The following HRAS variants were observed in gnomAD, a reference collection of about 807,000 sequenced individuals.
HRAS encodes the protein GTPase HRas.
A neutral mutation model predicts 19.8 loss-of-function variants in HRAS; 11 were observed. The observed-to-expected ratio is 0.55, with a 90% CI of 0.35 to 0.92. HRAS has a LOEUF of 0.92. Ranked by LOEUF, HRAS falls within the 40% of genes least tolerant of loss-of-function variation. HRAS has a pLI of 0.01. For missense variants in HRAS, 204 were observed against 255.9 expected (o/e 0.80, Z 1.38); for synonymous variants, 149 against 105.5 (o/e 1.41, Z -2.52).
Position 532,715 on chromosome 11 carries a change from C to T in HRAS, c.491G>A (p.Arg164Gln), listed in dbSNP as rs753977266. 14 of 1,613,060 alleles carry T rather than the reference C, an allele frequency of 8.7e-6. No individual in the cohort carries two copies. Among genetic ancestry groups the T allele is most frequent in the South Asian group, 1.1e-5 (1 of 91,090 alleles). ...GTTCAGCTTCCGCAGCTTGTGCTGC[C>T]GGATCTCACGCACCAACGTGTAGAA... The part of the protein sequence containing the change: ...DAFYTLVREI[R>Q]QHKLRKLNPP... Residue 164 changes from arginine (R) to glutamine (Q), a missense_variant, in exon 5 of 6, where the codon CGG becomes CAG. By Grantham distance (43) the Arg-to-Gln change is conservative. Coordinates refer to ENST00000311189, the MANE Select transcript of HRAS (RefSeq NM_005343.4).
At chr11:533,968 AC>A in intron 2 of HRAS, 24 bp from the exon 3 acceptor site, 1 of 1,605,416 alleles carries the variant, frequency 6.2e-7, no homozygotes, top group Non-Finnish European at 8.5e-7. Flanking sequence ...GGGCTCAGGG[AC>A]CCCCTCAGGA....
chr11:533,389 G>GCTCC (rs1851229062), intron 4 of HRAS, 64 bp downstream of exon 4: 1 of 1,606,292 alleles, frequency 6.2e-7, no homozygotes, highest in African/African-American at 1.3e-5. Flanking sequence ...AGTGAGTGCT[G>GCTCC]CTCCCTGGCT....
chr11:535,289 C>CCCGCCGCCGCCGCCG (rs113931482), intron 1 of HRAS, 127 bp downstream of exon 1: 7 of 141,190 alleles, frequency 5.0e-5, no homozygotes, highest in Non-Finnish European at 1.1e-4. Flanking sequence ...GCCCCACCCA[C>CCCGCCGCCGCCGCCG]CCGCCGCCGC....
chr11:534,534 C>T (rs1190031670), intron 1 of HRAS, 159 bp from the exon 2 acceptor site: 15 of 598,016 alleles, frequency 2.5e-5, no homozygotes, highest in Non-Finnish European at 3.6e-5. Flanking sequence ...AGCTGCAACC[C>T]AGCGTGCGGG....
intron 2 of HRAS, 22 bp from the exon 3 acceptor site, chr11:533,966 G>C (rs753221782): frequency 1.2e-6 from 2 of 1,607,066 alleles, no homozygotes; most frequent in East Asian, 2.2e-5. Context: ...CAGGGCTCAG[G>C]GACCCCCTCA....
chr11:533,168 C>A, intron 4 of HRAS: 1 of 1,048,822 alleles, frequency 9.5e-7, no homozygotes, highest in Non-Finnish European at 1.4e-6. Flanking sequence ...GGCAGCTCTC[C>A]CCAAGGACCT....
chr11:534,825 G>C (rs944788608), intron 1 of HRAS, among the ~76,000 whole-genome samples: 1 of 152,200 alleles, frequency 6.6e-6, no homozygotes, highest in Non-Finnish European at 1.5e-5. Flanking sequence ...TTTGCTGAGC[G>C]CCTACTGCGT....
rs376688893 is a variant in HRAS, at chr11:533,512, G to A, written c.391C>T (p.Gln131Ter). ...AARTVESRQA[Q>*]DLARSYGIPY... The stretch of plus-strand genomic sequence containing the variant: ...ATGCCGTAGCTTCGGGCGAGGTCCT[G>A]AGCCTGCCGAGATTCCACAGTGCGT... Residue 131 changes from glutamine to a stop codon, truncating the protein, a stop_gained, in exon 4 of 6, where the codon CAG (glutamine) becomes TAG (stop). Coordinates refer to ENST00000311189, the MANE Select transcript of HRAS (RefSeq NM_005343.4). LOFTEE classifies it high-confidence loss of function. 5 of 1,613,600 alleles carry A rather than the reference G, an allele frequency of 3.1e-6. No homozygotes were observed. The highest frequency in any genetic ancestry group is 4.2e-6 in the Non-Finnish European group (5 of 1,180,012).
rs727504926 is a variant in HRAS, at chr11:533,369, G to T, written c.450+84C>A. On this transcript the variant is annotated intron_variant, in intron 4 of 5. Transcript: ENST00000311189. The stretch of plus-strand genomic sequence containing the variant: ...GCCAGAGCGGCTGCCCTGTGTCAAG[G>T]GAGAGGGTCAGTGAGTGCTGCTCCC... 1.2e-5 allele frequency: 19 copies of T among 1,607,860 alleles called. No homozygotes were observed. Among genetic ancestry groups the T allele is most frequent in the Middle Eastern group, 1.7e-4 (1 of 6,044 alleles).
At chr11:533,183 C>T in intron 4 of HRAS, 1 of 1,176,962 alleles carries the variant, frequency 8.5e-7, no homozygotes, top group Non-Finnish European at 1.2e-6. Context: ...GGACCTCCGC[C>T]TTCCCCGGAG....
In HRAS at chr11:533,899, A is replaced by G. The variant is rs1177183283; in HGVS notation, c.157T>C (p.Leu53=). Residue 53 remains leucine, a synonymous_variant, in exon 3 of 6, where the codon TTG becomes CTG. Transcript: ENST00000311189. The part of the protein sequence containing the change: ...QVVIDGETCL[L]DILDTAGQEE... ...TGGCCGGCGGTATCCAGGATGTCCA[A>G]CAGGCACGTCTCCCCATCAATGACC... 1.2e-6 allele frequency: 2 copies of G among 1,613,106 alleles called. No individual in the cohort carries two copies. The highest frequency in any genetic ancestry group is 1.3e-5 in the African/African-American group (1 of 74,906).
chr11:533,734 G>A lies in HRAS; in HGVS notation c.290+32C>T, dbSNP rs757406884. 4.8e-5 allele frequency: 77 copies of A among 1,612,130 alleles called. No homozygotes were observed. In the East Asian group the frequency reaches 1.6e-3, roughly 35 times the overall value. ...GCCGGCCTGGCCCCACCTGTGCGGC[G>A]TGGGCTCCCGGGCCAGCCTCACGGG... On this transcript the variant is annotated intron_variant, in intron 3 of 5. Transcript: ENST00000311189.
intron 1 of HRAS, 124 bp downstream of exon 1, chr11:535,292 G>C (rs1428037586): frequency 3.6e-5 from 1 of 27,916 alleles, no homozygotes; most frequent in Non-Finnish European, 9.0e-5. Context: ...CCACCCACCC[G>C]CCGCCGCCGC....
rs41294870 is a variant in HRAS, at chr11:534,332, G to A, written c.-10C>T. The A allele has an allele frequency of 0.046, 73,585 of 1,607,530 alleles. 1,960 individuals carry two copies. The highest frequency in any genetic ancestry group is 0.067 in the South Asian group (6,128 of 90,988). ...GCTTATATTCCGTCATCGCTCCTCA[G>A]GGGCCTGCGGCCCGGGGTCCTCCTA... On this transcript the variant is annotated 5_prime_UTR_variant, in exon 2 of 6. Coordinates refer to ENST00000311189, the MANE Select transcript of HRAS (RefSeq NM_005343.4).
chr11:533,372 G>A, intron 4 of HRAS, 81 bp downstream of exon 4: 1 of 1,607,476 alleles, frequency 6.2e-7, no homozygotes, highest in Non-Finnish European at 8.5e-7. Flanking sequence ...TGTCAAGGGA[G>A]AGGGTCAGTG....
rs730880460 is a variant in HRAS at position 533,877 on chromosome 11, C to T, written c.179G>A (p.Gly60Asp). The T allele has an allele frequency of 6.2e-7, 1 of 1,613,294 alleles. No individual in the cohort carries two copies. Among genetic ancestry groups the T allele is most frequent in the Non-Finnish European group, 8.5e-7 (1 of 1,179,962 alleles). ...TCLLDILDTAGQEEYSAMRDQ... is the reference protein window; with the variant it reads ...TCLLDILDTADQEEYSAMRDQ... ...CCGCATGGCGCTGTACTCCTCCTGG[C>T]CGGCGGTATCCAGGATGTCCAACAG... Residue 60 changes from glycine to aspartate, a missense_variant, in exon 3 of 6, where the codon GGC becomes GAC. Physicochemically the swap from Gly to Asp is moderately conservative, Grantham distance 94 (BLOSUM62 -1). This residue lies in a region of HRAS where 51 missense variants were observed against 79.0 expected (regional missense o/e 0.65). Coordinates refer to ENST00000311189, the MANE Select transcript of HRAS (RefSeq NM_005343.4).
chr11:532,656 A>C lies in HRAS; in HGVS notation c.550T>G (p.Cys184Gly), dbSNP rs1589789436. 5 of 1,612,558 alleles carry C rather than the reference A, an allele frequency of 3.1e-6. No individual in the cohort carries two copies. In the East Asian group the frequency reaches 1.1e-4, roughly 36 times the overall value. The change falls in exon 5 of 6, where the codon TGC becomes GGC. Residue 184 changes from cysteine to glycine, a missense_variant. Around this residue, in one of 4 missense-constraint regions of HRAS, gnomAD observed 142 missense variants for 141.1 expected, o/e 1.01. Transcript: ENST00000311189. Reference sequence around the variant, plus strand: ...CTGCGTCAGGAGAGCACACACTTGCAGCTCATGCAGCCGGGGCCACTCTCA... The same window carrying C: ...CTGCGTCAGGAGAGCACACACTTGCCGCTCATGCAGCCGGGGCCACTCTCA... ...PDESGPGCMS[C>G]KCVLS
In HRAS at chr11:534,352, C is replaced by G. The variant is rs773131584; in HGVS notation, c.-30G>C. ...CCTCAGGGGCCTGCGGCCCGGGGTC[C>G]TCCTACAGGGTCTCCTGCCCCACCT... On this transcript the variant is annotated 5_prime_UTR_variant, in exon 2 of 6. Transcript: ENST00000311189. 6.4e-7 allele frequency: 1 copy of G among 1,566,200 alleles called. No individual in the cohort carries two copies. The highest frequency in any genetic ancestry group is 1.7e-5 in the Admixed American group (1 of 59,562).
At position 532,702 on chromosome 11, in the gene HRAS, C is replaced by A; in HGVS notation, c.504G>T (p.Leu168=). Residue 168 remains leucine (L), a synonymous_variant, in exon 5 of 6, where the codon CTG becomes CTT. Coordinates refer to ENST00000311189, the MANE Select transcript of HRAS (RefSeq NM_005343.4). ...TLVREIRQHK[L]RKLNPPDESG... ...TCTCATCAGGAGGGTTCAGCTTCCG[C>A]AGCTTGTGCTGCCGGATCTCACGCA... The A allele has an allele frequency of 6.2e-7, 1 of 1,613,254 alleles. No homozygotes were observed. The highest frequency in any genetic ancestry group is 8.5e-7 in the Non-Finnish European group (1 of 1,180,008).
Sources: gnomAD v4.1 joint callset for allele counts (sites outside exome capture counted in the v4.1 genomes callset) on GRCh38, gnomAD v4.1.1 for gene constraint, gnomAD v4.1.1 regional missense constraint, MANE v1.5 for transcripts, NCBI Gene and HGNC (gene_info 2026-07-23, HGNC 2026-07-21) for gene names.